EFCAB12: variants seen among roughly 807,000 people sequenced by gnomAD.
EFCAB12 encodes EF-hand calcium-binding domain-containing protein 12.
EFCAB12 carries 43 observed loss-of-function variants against 53.6 expected under a neutral mutation model. The observed-to-expected ratio is 0.80, with a 90% CI of 0.63 to 1.03. The LOEUF is 1.03. Among genes scored for constraint, EFCAB12 ranks in the 50% least tolerant of loss-of-function variants. The pLI is 0.00. For synonymous variants in EFCAB12, 269 were observed against 289.2 expected, an observed-to-expected ratio of 0.93 and a Z score of 0.71; for missense variants, 646 against 730.6, an observed-to-expected ratio of 0.88 and a Z score of 1.34.
chr3:129,411,362 C>A lies in EFCAB12; in HGVS notation c.839-8G>T, dbSNP rs1278208849. The A allele has an allele frequency of 1.3e-6, 2 of 1,555,246 alleles. No homozygotes were observed. Among genetic ancestry groups the A allele is most frequent in the South Asian group, 1.2e-5 (1 of 82,554 alleles). ...GCTTGGCCAAGATATAATCTGGAGT[C>A]AGAGGGAAGAGATGAAGGAAGGAGG... On this transcript the variant is annotated splice_region_variant and splice_polypyrimidine_tract_variant and intron_variant, in intron 4 of 8. Coordinates refer to ENST00000505956, the MANE Select transcript of EFCAB12 (RefSeq NM_207307.3).
At chr3:129,421,283 C>A (rs1043018103) in intron 2 of EFCAB12, 84 bp downstream of exon 2, 9 of 1,409,934 alleles carry the variant, frequency 6.4e-6, no homozygotes, top group Non-Finnish European at 8.5e-6. Flanking sequence ...GTGAACTATC[C>A]CTATCCAGCC....
At chr3:129,410,002 GTTTA>G (rs1207693640) in intron 5 of EFCAB12, among the ~76,000 whole-genome samples, 7 of 149,842 alleles carry the variant, frequency 4.7e-5, no homozygotes, top group Non-Finnish European at 1.0e-4. Flanking sequence ...ATATATTTGT[GTTTA>G]TTTATTTATT....
chr3:129,410,318 ATTT>A (rs11321465), intron 5 of EFCAB12, among the ~76,000 whole-genome samples: 1 of 144,098 alleles, frequency 6.9e-6, no homozygotes. Flanking sequence ...CCTGTATATA[ATTT>A]TTTTTTTTTT....
At position 129,411,218 on chromosome 3, in the gene EFCAB12, C is replaced by T. The variant is rs751549116; in HGVS notation, c.975G>A (p.Met325Ile). 1 of 1,613,660 alleles carries T rather than the reference C, an allele frequency of 6.2e-7. No individual in the cohort carries two copies. The highest frequency in any genetic ancestry group is 1.1e-5 in the South Asian group (1 of 91,040). Reference sequence around the variant, plus strand: ...CCACTTCCTCCATCTCCTCCAGGGTCATGGGCCGCGTCTCCATCTGCGTGT... The same window carrying T: ...CCACTTCCTCCATCTCCTCCAGGGTTATGGGCCGCGTCTCCATCTGCGTGT... ...AVDTQMETRP[M>I]TLEEMEEVGK... The change falls in exon 5 of 9, where the codon ATG becomes ATA. Residue 325 changes from methionine (M) to isoleucine (I), a missense_variant. Met to Ile is a conservative substitution (Grantham distance 10). Coordinates refer to ENST00000505956, the MANE Select transcript of EFCAB12 (RefSeq NM_207307.3).
chr3:129,417,073 T>C (rs890936141), intron 3 of EFCAB12, among the ~76,000 whole-genome samples: 3 of 152,018 alleles, frequency 2.0e-5, no homozygotes, highest in African/African-American at 7.2e-5. Flanking sequence ...ATGCCTGTAA[T>C]CCCAGCACTT....
At position 129,401,767 on chromosome 3, in the gene EFCAB12, C is replaced by T; in HGVS notation, c.1545G>A (p.Gln515=). Residue 515 remains glutamine, a synonymous_variant, in exon 9 of 9, where the codon CAG becomes CAA. Coordinates refer to ENST00000505956, the MANE Select transcript of EFCAB12 (RefSeq NM_207307.3). ...FWPGHLLDKL[Q]LYLPTVATDR... ...CTGTGGCCACAGTGGGCAGGTAGAG[C>T]TGCAGCTTATCCAGAAGATGACCCG... 1 of 1,610,186 alleles carries T rather than the reference C, an allele frequency of 6.2e-7. No homozygotes were observed. Among genetic ancestry groups the T allele is most frequent in the South Asian group, 1.1e-5 (1 of 90,202 alleles).
rs751891619 is a variant in EFCAB12, at chr3:129,408,723, T to G, written c.1171A>C (p.Asn391His). The change falls in exon 6 of 9, where the codon AAC becomes CAC. Residue 391 changes from asparagine to histidine, a missense_variant. Physicochemically the swap from Asn to His is moderately conservative, Grantham distance 68. Transcript: ENST00000505956. ...RELIDSARRH[N>H]FLVYLQCWKL... ...CAGCATTGCAGGTAGACCAGAAAGT[T>G]GTGCCTGCGGGCCGAGTCAATGAGC... 4.4e-6 allele frequency: 7 copies of G among 1,586,928 alleles called. No homozygotes were observed. In the East Asian group the frequency reaches 6.9e-5, roughly 16 times the overall value.
At chr3:129,422,659 C>T (rs1205754108) in intron 1 of EFCAB12, among the ~76,000 whole-genome samples, 1 of 152,056 alleles carries the variant, frequency 6.6e-6, no homozygotes, top group Non-Finnish European at 1.5e-5. Flanking sequence ...CCACTTATCA[C>T]GACTGGGTAC....
Position 129,421,760 on chromosome 3 carries a change from G to C in EFCAB12, c.93C>G (p.Val31=), listed in dbSNP as rs768674907. Residue 31 remains valine (V), a synonymous_variant, in exon 2 of 9, where the codon GTC becomes GTG. Transcript: ENST00000505956. The part of the protein sequence containing the change: ...SKTPINENAP[V]FDPEPVIAHC... ...GGGCAATGACCGGTTCAGGATCAAAGACGGGAGCATTTTCATTGATGGGAG... is the reference window on the plus strand; with the variant it reads ...GGGCAATGACCGGTTCAGGATCAAACACGGGAGCATTTTCATTGATGGGAG... 18 of 1,613,498 alleles carry C rather than the reference G, an allele frequency of 1.1e-5. No homozygotes were observed. The highest frequency in any genetic ancestry group is 1.5e-5 in the Non-Finnish European group (18 of 1,179,660).
intron 8 of EFCAB12, among the ~76,000 whole-genome samples, chr3:129,402,131 G>A (rs1487496807): frequency 6.6e-6 from 1 of 152,184 alleles, no homozygotes; most frequent in East Asian, 1.9e-4. Context: ...AGTCTTAAGC[G>A]CGAACCATCT....
chr3:129,428,469 G>C lies in EFCAB12; in HGVS notation c.20C>G (p.Ala7Gly), dbSNP rs2072297648. The C allele has an allele frequency of 1.2e-6, 2 of 1,611,210 alleles. No individual in the cohort carries two copies. Among genetic ancestry groups the C allele is most frequent in the Non-Finnish European group, 1.7e-6 (2 of 1,178,788 alleles). MDDDYE[A>G]YHSLFLSLLG... The stretch of plus-strand genomic sequence containing the variant: ...CAGCGACAAGAACAGACTGTGGTAC[G>C]CTTCATAGTCGTCGTCCATGGTCGT... Residue 7 changes from alanine to glycine, a missense_variant, in exon 1 of 9, where the codon GCG becomes GGG. Ala to Gly is a moderately conservative substitution (Grantham distance 60, BLOSUM62 0). Coordinates refer to ENST00000505956, the MANE Select transcript of EFCAB12 (RefSeq NM_207307.3).
In EFCAB12 at chr3:129,401,509, A is replaced by G; in HGVS notation, c.*84T>C. The G allele has an allele frequency of 6.9e-7, 1 of 1,439,762 alleles. No homozygotes were observed. The highest frequency in any genetic ancestry group is 9.2e-7 in the Non-Finnish European group (1 of 1,088,680). The allele number at this position is 1,439,762 out of a possible 1,614,324, so 89.2% of individuals were successfully genotyped here. A position where few individuals can be genotyped will look rare whatever the true frequency, so the allele number is the denominator to read the frequency against. On this transcript the variant is annotated 3_prime_UTR_variant, in exon 9 of 9. Coordinates refer to ENST00000505956, the MANE Select transcript of EFCAB12 (RefSeq NM_207307.3). Reference sequence around the variant, plus strand: ...GATTTCTTTAGTTTGACTCTTTGACACTCCTCTTGTGTCTGGGCTCTGGGC... The same window carrying G: ...GATTTCTTTAGTTTGACTCTTTGACGCTCCTCTTGTGTCTGGGCTCTGGGC...
At chr3:129,418,508 T>G in intron 2 of EFCAB12, 60 bp from the exon 3 acceptor site, 1 of 1,466,878 alleles carries the variant, frequency 6.8e-7, no homozygotes, top group Non-Finnish European at 9.1e-7. Context: ...GCCAGGCGGA[T>G]GCAGTCCCCA....
Position 129,421,708 on chromosome 3 carries a change from C to T in EFCAB12, c.145G>A (p.Asp49Asn), listed in dbSNP as rs1235071185. 1.2e-6 allele frequency: 2 copies of T among 1,613,796 alleles called. No individual in the cohort carries two copies. Among genetic ancestry groups the T allele is most frequent in the Admixed American group, 3.3e-5 (2 of 59,992 alleles). The part of the protein sequence containing the change: ...AHCFKQFQQK[D>N]FRLPQTRRRI... ...CGGCGGGTCTGAGGCAGGCGGAAGT[C>T]CTTCTGCTGGAACTGCTTGAAGCAG... The change falls in exon 2 of 9, where the codon GAC becomes AAC. Residue 49 changes from aspartate (D) to asparagine (N), a missense_variant. Asp to Asn is a conservative substitution (Grantham distance 23). Coordinates refer to ENST00000505956, the MANE Select transcript of EFCAB12 (RefSeq NM_207307.3).
chr3:129,418,402 T>G lies in EFCAB12; in HGVS notation c.533A>C (p.Gln178Pro), dbSNP rs116798859. 4.8e-3 allele frequency: 7,819 copies of G among 1,613,246 alleles called. 274 individuals carry two copies. The African/African-American group carries it at 0.087, about 18-fold the overall frequency. The change falls in exon 3 of 9, where the codon CAG becomes CCG. Residue 178 changes from glutamine (Q) to proline (P), a missense_variant. Transcript: ENST00000505956. ...LSRLSRQMVP[Q>P]LQLPEPPALS... ...GGCAGGGGGCTCGGGCAGCTGGAGC[T>G]GGGGCACCATCTGGCGGGACAGCCG... is the stretch of plus-strand genomic sequence containing the variant.
At position 129,417,328 on chromosome 3, in the gene EFCAB12, A is replaced by AC. The variant is rs1316212292; in HGVS notation, c.681+925_681+926insG. Among the ~76,000 whole-genome samples, 81 of 135,692 alleles carry AC rather than the reference A, an allele frequency of 6.0e-4. 1 individual carries two copies. Among genetic ancestry groups the AC allele is most frequent in the African/African-American group, 2.5e-3 (81 of 32,700 alleles). The allele number at this position is 135,692 out of a possible 152,430, so 89.0% of individuals were successfully genotyped here. A position where few individuals can be genotyped will look rare whatever the true frequency, so the allele number is the denominator to read the frequency against. On this transcript the variant is annotated intron_variant, in intron 3 of 8. Transcript: ENST00000505956. ...GACAGAGTGAGACTCTGCCTCAAAA[A>AC]AAAAAAAAAAACCAAAAAAAAAAAA... is the stretch of plus-strand genomic sequence containing the variant.
chr3:129,423,464 A>T (rs1162110955), intron 1 of EFCAB12, among the ~76,000 whole-genome samples: 2 of 151,720 alleles, frequency 1.3e-5, no homozygotes, highest in African/African-American at 4.8e-5. Flanking sequence ...TCATCTATAC[A>T]AAAAAATTTA....
intron 5 of EFCAB12, among the ~76,000 whole-genome samples, chr3:129,409,374 T>A (rs1169060468): frequency 6.6e-6 from 1 of 152,010 alleles, no homozygotes; most frequent in Non-Finnish European, 1.5e-5. Context: ...GTCCGGGAAG[T>A]TGAGGCTGCA....
intron 1 of EFCAB12, among the ~76,000 whole-genome samples, chr3:129,424,408 T>C (rs550011124): frequency 2.0e-5 from 3 of 152,244 alleles, no homozygotes; most frequent in African/African-American, 7.2e-5. Flanking sequence ...GCTCACAAGA[T>C]CTGGTTGTTC....
Sources: gnomAD v4.1 joint callset for allele counts (sites outside exome capture counted in the v4.1 genomes callset) on GRCh38, gnomAD v4.1.1 for gene constraint, MANE v1.5 for transcripts, NCBI Gene and HGNC (gene_info 2026-07-23, HGNC 2026-07-21) for gene names.